Variants in THRB observed in about 807,000 individuals in gnomAD.
THRB encodes the protein thyroid hormone receptor beta, also known as nuclear receptor subfamily 1 group A member 2.
In THRB, 12 loss-of-function variants were observed where a neutral mutation model predicts 47.8. That is an observed-to-expected ratio of 0.25 (90% CI 0.16 to 0.41). The LOEUF is 0.41. Ranked by LOEUF, THRB falls within the 10% of genes least tolerant of loss-of-function variation. THRB has a pLI of 1.00. For synonymous variants in THRB, 218 were observed against 212.2 expected, an observed-to-expected ratio of 1.03 and a Z score of -0.24; for missense variants, 348 against 589.2, an observed-to-expected ratio of 0.59 and a Z score of 4.24.
chr3:24,165,766 T>G (rs2039565722), intron 5 of THRB, among the ~76,000 whole-genome samples: 1 of 152,216 alleles, frequency 6.6e-6, no homozygotes, highest in Admixed American at 6.5e-5. Flanking sequence ...TTTTATATGC[T>G]GTTTTTAACC....
chr3:24,391,106 G>T (rs1171050726), intron 1 of THRB, among the ~76,000 whole-genome samples: 1 of 152,140 alleles, frequency 6.6e-6, no homozygotes, highest in East Asian at 1.9e-4. Flanking sequence ...AGGGGAAGCA[G>T]GTTGGTCTTG....
At chr3:24,190,357 A>T in intron 4 of THRB, 23 bp from the exon 5 acceptor site, 1 of 1,613,914 alleles carries the variant, frequency 6.2e-7, no homozygotes, top group Non-Finnish European at 8.5e-7. Context: ...AAAACACGAG[A>T]TGACGAGCTG....
chr3:24,418,280 C>A (rs1290706940), intron 1 of THRB, among the ~76,000 whole-genome samples: 3 of 150,494 alleles, frequency 2.0e-5, no homozygotes, highest in Non-Finnish European at 4.4e-5. Context: ...TGTAACCTTG[C>A]CTAGTGTTAC....
chr3:24,164,753 A>G (rs1456910986), intron 5 of THRB, among the ~76,000 whole-genome samples: 1 of 152,208 alleles, frequency 6.6e-6, no homozygotes, highest in Non-Finnish European at 1.5e-5. Context: ...AAAGAAGCCA[A>G]CAATAGTCAC....
chr3:24,475,806 T>A (rs12152499), intron 1 of THRB, among the ~76,000 whole-genome samples: 45,046 of 152,126 alleles, frequency 0.3, 6,730 homozygotes, highest in South Asian at 0.36. Context: ...AAAGTAAAGA[T>A]TCTATATAAC....
intron 1 of THRB, among the ~76,000 whole-genome samples, chr3:24,470,624 G>A (rs1481971087): frequency 2.0e-5 from 3 of 152,136 alleles, no homozygotes; most frequent in Non-Finnish European, 4.4e-5. Flanking sequence ...CCAATGTAGA[G>A]ACTTTTTTTT....
Position 24,122,583 on chromosome 3 carries a change from C to A in THRB, c.*301G>T. 1 of 432,756 alleles carries A rather than the reference C, an allele frequency of 2.3e-6. No individual in the cohort carries two copies. Among genetic ancestry groups the A allele is most frequent in the Non-Finnish European group, 4.3e-6 (1 of 232,006 alleles). The allele number at this position is 432,756 out of a possible 1,614,324, so 26.8% of individuals were successfully genotyped here. A position where few individuals can be genotyped will look rare whatever the true frequency, so the allele number is the denominator to read the frequency against. ...CATTTTGCTGACTCAAGTCTTGGACCAGGGACGGGTGGGAGCTGGTGATGC... is the reference window on the plus strand; with the variant it reads ...CATTTTGCTGACTCAAGTCTTGGACAAGGGACGGGTGGGAGCTGGTGATGC... On this transcript the variant is annotated 3_prime_UTR_variant, in exon 11 of 11. Coordinates refer to ENST00000646209, the MANE Select transcript of THRB (RefSeq NM_001354712.2).
intron 2 of THRB, among the ~76,000 whole-genome samples, chr3:24,333,138 G>A (rs191119844): frequency 1.1e-3 from 172 of 152,042 alleles, no homozygotes; most frequent in African/African-American, 3.9e-3. Context: ...CCTGAAACCC[G>A]GATATATTTT....
intron 1 of THRB, among the ~76,000 whole-genome samples, chr3:24,492,594 C>T (rs1183649776): frequency 6.6e-6 from 1 of 152,314 alleles, no homozygotes; most frequent in Non-Finnish European, 1.5e-5. Flanking sequence ...ACAACTCATG[C>T]TTTAAACAAC....
rs554300811 is a variant in THRB, at chr3:24,359,290, G to T, written c.-260-21919C>A. On this transcript the variant is annotated intron_variant, in intron 1 of 10. Coordinates refer to ENST00000646209, the MANE Select transcript of THRB (RefSeq NM_001354712.2). ...TGACAGGAAGGCTTAGCTGAGCTGGGATTATCTCCCAGAGTTCCCAGATGT... is the reference window on the plus strand; with the variant it reads ...TGACAGGAAGGCTTAGCTGAGCTGGTATTATCTCCCAGAGTTCCCAGATGT... 5.9e-5 allele frequency among the ~76,000 whole-genome samples: 9 copies of T among 152,264 alleles called. No individual in the cohort carries two copies. The South Asian group carries it at 8.3e-4, about 14-fold the overall frequency.
At chr3:24,217,416 T>G (rs932781942) in intron 4 of THRB, among the ~76,000 whole-genome samples, 2 of 152,166 alleles carry the variant, frequency 1.3e-5, no homozygotes, top group East Asian at 3.8e-4. Context: ...AACATCAGAT[T>G]AGTAACCAAA....
chr3:24,275,799 T>C (rs1214521207), intron 3 of THRB, among the ~76,000 whole-genome samples: 1 of 152,192 alleles, frequency 6.6e-6, no homozygotes, highest in Non-Finnish European at 1.5e-5. Context: ...TTGAGGACCT[T>C]AAAACGCTAC....
rs1219863888 is a variant in THRB at position 24,117,746 on chromosome 3, A to G, written c.*5138T>C. The G allele has an allele frequency of 6.6e-6, 1 of 152,226 alleles. No homozygotes were observed. Among genetic ancestry groups the G allele is most frequent in the African/African-American group, 2.4e-5 (1 of 41,462 alleles). 9.4% of individuals were successfully genotyped at this position (152,226 alleles called of 1,614,324 possible). A position where few individuals can be genotyped will look rare whatever the true frequency, so the allele number is the denominator to read the frequency against. On this transcript the variant is annotated 3_prime_UTR_variant, in exon 11 of 11. Transcript: ENST00000646209. ...GAAGCTTTGGTATGCAATACCCTAG[A>G]TCCCAGATATTAAAGTCAATAATTA... is the stretch of plus-strand genomic sequence containing the variant.
chr3:24,282,023 C>A (rs1422683823), intron 3 of THRB, among the ~76,000 whole-genome samples: 2 of 129,680 alleles, frequency 1.5e-5, no homozygotes, highest in African/African-American at 3.5e-5. Flanking sequence ...TTAGACAGAT[C>A]AACGAGACAG....
Position 24,120,281 on chromosome 3 carries a change from G to A in THRB, c.*2603C>T, listed in dbSNP as rs1247392023. 6.6e-6 allele frequency: 1 copy of A among 152,184 alleles called. No homozygotes were observed. Among genetic ancestry groups the A allele is most frequent in the Non-Finnish European group, 1.5e-5 (1 of 68,036 alleles). The allele number at this position is 152,184 out of a possible 1,614,324, so 9.4% of individuals were successfully genotyped here. A position where few individuals can be genotyped will look rare whatever the true frequency, so the allele number is the denominator to read the frequency against. On this transcript the variant is annotated 3_prime_UTR_variant, in exon 11 of 11. Coordinates refer to ENST00000646209, the MANE Select transcript of THRB (RefSeq NM_001354712.2). ...TATTCAGCCTTCAACGAGATTTCCA[G>A]ACCAGCAGTTTGCCTATTGAAGGCA... is the stretch of plus-strand genomic sequence containing the variant.
intron 5 of THRB, among the ~76,000 whole-genome samples, chr3:24,157,389 G>A (rs989575450): frequency 1.2e-4 from 18 of 152,070 alleles, no homozygotes; most frequent in Non-Finnish European, 2.2e-4. Flanking sequence ...ATCTAGAAAA[G>A]GGGATGAGGA....
chr3:24,461,610 T>C (rs567695770), intron 1 of THRB, among the ~76,000 whole-genome samples: 1 of 152,380 alleles, frequency 6.6e-6, no homozygotes, highest in African/African-American at 2.4e-5. Flanking sequence ...AACAGATTTG[T>C]TCTTTAAAAG....
chr3:24,161,200 T>C (rs952039774), intron 5 of THRB, among the ~76,000 whole-genome samples: 1 of 152,172 alleles, frequency 6.6e-6, no homozygotes, highest in African/African-American at 2.4e-5. Context: ...TTTTCTGGAG[T>C]GGTGTTTTCT....
At chr3:24,123,385 G>A (rs2032073875) in intron 10 of THRB, among the ~76,000 whole-genome samples, 1 of 152,182 alleles carries the variant, frequency 6.6e-6, no homozygotes, top group Admixed American at 6.5e-5. Context: ...TTACCTTCTT[G>A]AGTGTGAAAG....
Sources: allele counts gnomAD v4.1 joint callset (sites outside exome capture counted in the v4.1 genomes callset), GRCh38; gene constraint gnomAD v4.1.1; transcripts MANE v1.5; gene names NCBI Gene and HGNC (gene_info 2026-07-23, HGNC 2026-07-21).